The following CA10 variants were observed in gnomAD, a reference collection of about 807,000 sequenced individuals.
The protein encoded by CA10 is carbonic anhydrase-related protein 10.
A neutral mutation model predicts 44.2 loss-of-function variants in CA10; 14 were observed. That is an observed-to-expected ratio of 0.32 (90% CI 0.21 to 0.50). The LOEUF is 0.50. Ranked by LOEUF, CA10 falls within the 20% of genes least tolerant of loss-of-function variation. The pLI is 0.99. For synonymous variants in CA10, 159 were observed against 141.6 expected (o/e 1.12, Z -0.87); for missense variants, 350 against 409.7 (o/e 0.85, Z 1.26).
chr17:52,157,843 G>C lies in CA10; in HGVS notation c.-57C>G. 1 of 1,354,172 alleles carries C rather than the reference G, an allele frequency of 7.4e-7. No homozygotes were observed. Among genetic ancestry groups the C allele is most frequent in the Non-Finnish European group, 1.1e-6 (1 of 942,800 alleles). 83.9% of individuals were successfully genotyped at this position (1,354,172 alleles called of 1,614,324 possible). On this transcript the variant is annotated 5_prime_UTR_variant, in exon 1 of 9. Coordinates refer to ENST00000451037, the MANE Select transcript of CA10 (RefSeq NM_020178.5). ...ACGGGAAAACGGGGGGAAGGGGGGA[G>C]CCCGACACGGCACACACACATACAC...
chr17:51,736,345 C>T (rs1916911861), intron 4 of CA10, among the ~76,000 whole-genome samples: 1 of 152,186 alleles, frequency 6.6e-6, no homozygotes, highest in South Asian at 2.1e-4. Flanking sequence ...GTAGAAAATG[C>T]TTGACCCCCA....
chr17:51,984,250 C>T (rs1984750742), intron 2 of CA10, among the ~76,000 whole-genome samples: 3 of 151,616 alleles, frequency 2.0e-5, no homozygotes, highest in Admixed American at 2.0e-4. Flanking sequence ...ATTAAATAAC[C>T]TGCTCCTTTT....
chr17:51,965,987 G>C lies in CA10; in HGVS notation c.137-34855C>G, dbSNP rs144147864. On this transcript the variant is annotated intron_variant, in intron 2 of 8. Coordinates refer to ENST00000451037, the MANE Select transcript of CA10 (RefSeq NM_020178.5). ...AAAACCCTAAAGACTCTGTCAAAAG[G>C]CTCCTGGAACTGACAAACAACTTCA... Among the ~76,000 whole-genome samples, 189 of 151,760 alleles carry C rather than the reference G, an allele frequency of 1.2e-3. 3 individuals carry two copies. The highest frequency in any genetic ancestry group is 4.3e-3 in the African/African-American group (177 of 41,442).
intron 3 of CA10, among the ~76,000 whole-genome samples, chr17:51,834,512 A>G (rs1908403214): frequency 6.6e-6 from 1 of 152,178 alleles, no homozygotes; most frequent in Non-Finnish European, 1.5e-5. Context: ...TCGAGCCACT[A>G]ATGTTCCACT....
chr17:52,011,231 A>ATTATTATTTATTTATCATAATCAT (rs1985785083), intron 2 of CA10, among the ~76,000 whole-genome samples: 2 of 131,826 alleles, frequency 1.5e-5, no homozygotes, highest in Non-Finnish European at 3.4e-5. Flanking sequence ...ATAATCATTT[A>ATTATTATTTATTTATCATAATCAT]TTATTATGAG....
At chr17:51,693,374 G>T (rs1915286279) in intron 4 of CA10, among the ~76,000 whole-genome samples, 1 of 152,082 alleles carries the variant, frequency 6.6e-6, no homozygotes, top group South Asian at 2.1e-4. Flanking sequence ...TTGACTTGGG[G>T]TTATATGTGC....
intron 3 of CA10, among the ~76,000 whole-genome samples, chr17:51,923,247 G>C (rs1356950909): frequency 6.6e-6 from 1 of 152,078 alleles, no homozygotes; most frequent in African/African-American, 2.4e-5. Flanking sequence ...AAAATTGATC[G>C]ACCTTTTTGT....
chr17:51,957,833 G>A (rs1303320579), intron 2 of CA10, among the ~76,000 whole-genome samples: 1 of 152,040 alleles, frequency 6.6e-6, no homozygotes, highest in Non-Finnish European at 1.5e-5. Flanking sequence ...CCTGTATTCT[G>A]TACTTATCCA....
intron 3 of CA10, among the ~76,000 whole-genome samples, chr17:51,845,747 T>G (rs1482297249): frequency 6.6e-6 from 1 of 152,226 alleles, no homozygotes; most frequent in Non-Finnish European, 1.5e-5. Flanking sequence ...AAAGTGGGCT[T>G]CTTTCTTGCA....
chr17:51,791,055 C>T (rs550219899), intron 3 of CA10, among the ~76,000 whole-genome samples: 4 of 152,294 alleles, frequency 2.6e-5, no homozygotes, highest in African/African-American at 9.6e-5. Flanking sequence ...GCCTTAGTTT[C>T]TGCATTTGTA....
chr17:51,783,207 C>G (rs1334922699), intron 3 of CA10, among the ~76,000 whole-genome samples: 1 of 152,082 alleles, frequency 6.6e-6, no homozygotes, highest in Non-Finnish European at 1.5e-5. Flanking sequence ...GTAATGCCCC[C>G]AAAGCAGGAA....
At chr17:51,956,005 C>A (rs1983653021) in intron 2 of CA10, among the ~76,000 whole-genome samples, 2 of 152,100 alleles carry the variant, frequency 1.3e-5, no homozygotes, top group Admixed American at 1.3e-4. Flanking sequence ...AAAATCTGGA[C>A]TAATTTTAGA....
At chr17:51,971,426 G>A (rs752125084) in intron 2 of CA10, among the ~76,000 whole-genome samples, 1 of 152,100 alleles carries the variant, frequency 6.6e-6, no homozygotes, top group Non-Finnish European at 1.5e-5. Context: ...ATCTGTGTAT[G>A]AGACATGGAT....
intron 2 of CA10, among the ~76,000 whole-genome samples, chr17:51,975,812 A>C (rs1030821232): frequency 7.0e-6 from 1 of 142,672 alleles, no homozygotes; most frequent in East Asian, 2.2e-4. Context: ...CGGAGGTTGC[A>C]GTGAGCTGAG....
chr17:52,152,684 A>C (rs889503459), intron 1 of CA10, among the ~76,000 whole-genome samples: 1 of 152,130 alleles, frequency 6.6e-6, no homozygotes, highest in Admixed American at 6.5e-5. Flanking sequence ...ATCATTCTAA[A>C]CTATGTGTAT....
At chr17:51,953,166 T>C (rs1420991027) in intron 2 of CA10, among the ~76,000 whole-genome samples, 1 of 152,186 alleles carries the variant, frequency 6.6e-6, no homozygotes, top group Non-Finnish European at 1.5e-5. Flanking sequence ...AGTTTGTTTT[T>C]ACATTGAAAT....
chr17:52,158,931 TGAGGAG>T (rs904082063), upstream of CA10, among the ~76,000 whole-genome samples: 1 of 151,438 alleles, frequency 6.6e-6, no homozygotes, highest in Non-Finnish European at 1.5e-5. Flanking sequence ...AGCGCGGCCA[TGAGGAG>T]GAGGAGGAGG....
chr17:52,060,803 A>C (rs1163272191), intron 2 of CA10, among the ~76,000 whole-genome samples: 2 of 152,176 alleles, frequency 1.3e-5, no homozygotes, highest in African/African-American at 4.8e-5. Flanking sequence ...ACATATTTGT[A>C]GTGGAAAGAG....
chr17:52,147,864 A>G (rs1278902676), intron 1 of CA10, among the ~76,000 whole-genome samples: 1 of 152,108 alleles, frequency 6.6e-6, no homozygotes, highest in Non-Finnish European at 1.5e-5. Context: ...TTTTTTTTCT[A>G]TAACCCCTTT....
Sources: gnomAD v4.1 joint callset for allele counts (sites outside exome capture counted in the v4.1 genomes callset) on GRCh38, gnomAD v4.1.1 for gene constraint, MANE v1.5 for transcripts, NCBI Gene and HGNC (gene_info 2026-07-23, HGNC 2026-07-21) for gene names.